Variants in TPRA1 observed in about 807,000 individuals in gnomAD.
TPRA1 encodes the protein transmembrane protein adipocyte-associated 1.
TPRA1 carries 28 observed loss-of-function variants against 40.1 expected under a neutral mutation model. That is an observed-to-expected ratio of 0.70 (90% CI 0.52 to 0.96). TPRA1 has a LOEUF of 0.96. TPRA1 is among the 40% of genes least tolerant of loss of function. The pLI is 0.00. For synonymous variants in TPRA1, 219 were observed against 209.7 expected (o/e 1.04, Z -0.38); for missense variants, 441 against 482.6 (o/e 0.91, Z 0.81).
chr3:127,572,467 C>T lies in TPRA1; in HGVS notation c.*1054G>A, dbSNP rs570539242. 1.6e-4 allele frequency among the ~76,000 whole-genome samples: 24 copies of T among 152,346 alleles called. No homozygotes were observed. The highest frequency in any genetic ancestry group is 5.9e-4 in the Admixed American group (9 of 15,306). ...GTGGCAGGGACAAGTGGGCCCCTCT[C>T]CCCTACTCATGCCTTATGATCCCAG... On this transcript the variant is annotated 3_prime_UTR_variant, in exon 11 of 11. Transcript: ENST00000355552.
At position 127,580,107 on chromosome 3, in the gene TPRA1, T is replaced by G. The variant is rs768221005; in HGVS notation, c.40A>C (p.Thr14Pro). Residue 14 changes from threonine to proline, a missense_variant, in exon 2 of 11, where the codon ACA (threonine) becomes CCA (proline). Coordinates refer to ENST00000355552, the MANE Select transcript of TPRA1 (RefSeq NM_001136053.4). ...GGTGCCAGGGGTGGGGGTAGCGCTG[T>G]GCTCCCATTGGCCCAAGTCACCTCC... ...LEEVTWANGSTALPPPLAPNI... is the reference protein window; with the variant it reads ...LEEVTWANGSPALPPPLAPNI... The G allele has an allele frequency of 1.3e-5, 21 of 1,613,692 alleles. No individual in the cohort carries two copies. Among genetic ancestry groups the G allele is most frequent in the Non-Finnish European group, 1.6e-5 (19 of 1,179,988 alleles).
At chr3:127,587,887 C>A (rs984915599) in intron 1 of TPRA1, among the ~76,000 whole-genome samples, 2 of 152,046 alleles carry the variant, frequency 1.3e-5, no homozygotes, top group African/African-American at 2.4e-5. Flanking sequence ...TTGTGAAGCC[C>A]CCATTGCTGT....
At chr3:127,575,064 GTGCGTGCGCA>G in intron 10 of TPRA1, 111 bp downstream of exon 10, 1 of 1,054,434 alleles carries the variant, frequency 9.5e-7, no homozygotes, top group Non-Finnish European at 1.4e-6. Flanking sequence ...ATGTATGTAT[GTGCGTGCGCA>G]TGCGCACTGT....
intron 1 of TPRA1, among the ~76,000 whole-genome samples, chr3:127,581,278 G>A (rs2073822505): frequency 6.6e-6 from 1 of 152,218 alleles, no homozygotes; most frequent in South Asian, 2.1e-4. Flanking sequence ...CCCCAGGCGG[G>A]GAGCAGCCCC....
chr3:127,590,274 C>G (rs1250983060), intron 1 of TPRA1, 136 bp downstream of exon 1: 1 of 152,258 alleles, frequency 6.6e-6, no homozygotes, highest in East Asian at 1.9e-4. Context: ...CCGCCTTGGC[C>G]GTCCGAGCTG....
intron 1 of TPRA1, among the ~76,000 whole-genome samples, chr3:127,597,817 T>C (rs1386553390): frequency 1.3e-5 from 2 of 152,070 alleles, no homozygotes; most frequent in Non-Finnish European, 2.9e-5. Context: ...GCTGTCTTTT[T>C]TTTTTTTTGA....
intron 3 of TPRA1, among the ~76,000 whole-genome samples, chr3:127,577,752 A>C (rs2073691379): frequency 6.6e-6 from 1 of 152,122 alleles, no homozygotes; most frequent in African/African-American, 2.4e-5. Flanking sequence ...CGGTGGTTCC[A>C]GGTGAGGCTG....
Position 127,576,058 on chromosome 3 carries a change from G to A in TPRA1, c.499-8C>T, listed in dbSNP as rs778555627. ...CAGGATCTCCAGGGTCCCCTGCAGG[G>A]GCAAGCAGGAAGGGAGGAAGGGAGA... On this transcript the variant is annotated splice_polypyrimidine_tract_variant and splice_region_variant and intron_variant, in intron 6 of 10. Coordinates refer to ENST00000355552, the MANE Select transcript of TPRA1 (RefSeq NM_001136053.4). This position sits in a 1 kb window ranked among gnomAD's most constrained non-coding sequence, Gnocchi z 4.6. 2.5e-6 allele frequency: 4 copies of A among 1,607,532 alleles called. No homozygotes were observed. The South Asian group carries it at 4.4e-5, about 18-fold the overall frequency.
intron 9 of TPRA1, 24 bp from the exon 10 acceptor site, chr3:127,575,289 G>A (rs1329827991): frequency 1.9e-6 from 3 of 1,610,014 alleles, no homozygotes; most frequent in Non-Finnish European, 2.5e-6. Context: ...GGGTCAGCGC[G>A]GGGCCTCCTA....
intron 1 of TPRA1, among the ~76,000 whole-genome samples, chr3:127,583,457 C>A (rs2073896640): frequency 6.6e-6 from 1 of 152,136 alleles, no homozygotes; most frequent in Non-Finnish European, 1.5e-5. Flanking sequence ...ATGATCGTGC[C>A]ACTGCACTCC....
rs376647934 is a variant in TPRA1 at position 127,573,749 on chromosome 3, C to T, written c.894G>A (p.Val298=). ...GTACATCTGGCTCCTCTGTCTCGTC[C>T]ACTTGGCATTTGTAGGAGAAGAGGA... ...PKILFSYKCQ[V]DETEEPDVHL... The change falls in exon 11 of 11, where the codon GTG becomes GTA. Residue 298 remains valine, a synonymous_variant. Transcript: ENST00000355552. The T allele has an allele frequency of 6.3e-7, 1 of 1,589,614 alleles. No homozygotes were observed. The highest frequency in any genetic ancestry group is 2.3e-5 in the East Asian group (1 of 44,350).
intron 1 of TPRA1, among the ~76,000 whole-genome samples, chr3:127,582,112 G>A (rs2073852077): frequency 6.6e-6 from 1 of 152,108 alleles, no homozygotes. Context: ...AGACAGGGGT[G>A]GGGGGACTTA....
intron 1 of TPRA1, among the ~76,000 whole-genome samples, chr3:127,586,000 C>T (rs1431717446): frequency 2.0e-5 from 3 of 152,224 alleles, no homozygotes; most frequent in Non-Finnish European, 2.9e-5. Flanking sequence ...GAGTAACTAA[C>T]TGTCTTCCCC....
intron 3 of TPRA1, 51 bp from the exon 4 acceptor site, chr3:127,577,127 C>A (rs368692603): frequency 6.3e-7 from 1 of 1,577,074 alleles, no homozygotes; most frequent in South Asian, 1.1e-5. Context: ...GCCTCTGCAT[C>A]GGCAGGGGCA....
Position 127,573,489 on chromosome 3 carries a change from G to T in TPRA1, c.*32C>A. The stretch of plus-strand genomic sequence containing the variant: ...CTCTGGGCCTGCTGGCCTCCTCTCT[G>T]GCCTGTCCTCCACAGGCCCTGGCAG... On this transcript the variant is annotated 3_prime_UTR_variant, in exon 11 of 11. Transcript: ENST00000355552. The T allele has an allele frequency of 1.3e-6, 2 of 1,593,956 alleles. No individual in the cohort carries two copies. Among genetic ancestry groups the T allele is most frequent in the Non-Finnish European group, 1.7e-6 (2 of 1,170,024 alleles).
At chr3:127,575,536 C>T in intron 8 of TPRA1, 31 bp from the exon 9 acceptor site, 10 of 1,517,168 alleles carry the variant, frequency 6.6e-6, no homozygotes, top group Non-Finnish European at 8.8e-6. Context: ...GTCGTGAGGT[C>T]CCACCCTGGA....
At position 127,573,300 on chromosome 3, in the gene TPRA1, TGA is replaced by T. The variant is rs1325412617; in HGVS notation, c.*219_*220del. 23 of 564,700 alleles carry T rather than the reference TGA, an allele frequency of 4.1e-5. No individual in the cohort carries two copies. Among genetic ancestry groups the T allele is most frequent in the Non-Finnish European group, 7.0e-5 (23 of 327,930 alleles). The allele number at this position is 564,700 out of a possible 1,614,324, so 35.0% of individuals were successfully genotyped here. A position where few individuals can be genotyped will look rare whatever the true frequency, so the allele number is the denominator to read the frequency against. Reference sequence around the variant, plus strand: ...GCCTGGGCCATGTCACTGAGCAGTATGAGAGCAGGTGGGAAGGGGAGGAGGGT... The same window carrying T: ...GCCTGGGCCATGTCACTGAGCAGTATGAGCAGGTGGGAAGGGGAGGAGGGT... On this transcript the variant is annotated 3_prime_UTR_variant, in exon 11 of 11. Coordinates refer to ENST00000355552, the MANE Select transcript of TPRA1 (RefSeq NM_001136053.4).
intron 1 of TPRA1, among the ~76,000 whole-genome samples, chr3:127,587,748 C>T (rs1376300224): frequency 6.7e-6 from 1 of 148,632 alleles, no homozygotes; most frequent in Non-Finnish European, 1.5e-5. Context: ...GCGATGTCGG[C>T]TCACTGCAAC....
At chr3:127,574,840 G>T in intron 10 of TPRA1, 2 of 370,202 alleles carry the variant, frequency 5.4e-6, no homozygotes, top group Non-Finnish European at 1.0e-5. Flanking sequence ...TGTTGAGCAC[G>T]TGTTCATGTG....
Sources: gnomAD v4.1 joint callset for allele counts (sites outside exome capture counted in the v4.1 genomes callset) on GRCh38, gnomAD v4.1.1 for gene constraint, Gnocchi (gnomAD v3.1) non-coding constraint, MANE v1.5 for transcripts, NCBI Gene and HGNC (gene_info 2026-07-23, HGNC 2026-07-21) for gene names.